The following OPCML variants were observed in gnomAD, a reference collection of about 807,000 sequenced individuals.
OPCML encodes the protein opioid binding protein/cell adhesion molecule like.
A neutral mutation model predicts 37.8 loss-of-function variants in OPCML; 13 were observed. That is an observed-to-expected ratio of 0.34 (90% CI 0.22 to 0.55). The LOEUF is 0.55. Ranked by LOEUF, OPCML falls within the 20% of genes least tolerant of loss-of-function variation. The probability of loss-of-function intolerance (pLI) is 0.91; values close to 1 mark genes in which losing one functional copy is unlikely to be tolerated. For missense variants in OPCML, 341 were observed against 435.6 expected, an observed-to-expected ratio of 0.78 and a Z score of 1.93; for synonymous variants, 176 against 168.8, an observed-to-expected ratio of 1.04 and a Z score of -0.33.
rs1591742497 is a variant in OPCML, at chr11:132,877,329, G to T, written c.146+65597C>A. On this transcript the variant is annotated intron_variant, in intron 2 of 7. Coordinates refer to ENST00000524381, the MANE Select transcript of OPCML (RefSeq NM_001012393.5). ...AAGATGCAATATTCACTTGAATAAG[G>T]GTAAAAGAAAAGGTGAGGTCTTCAG... Among the ~76,000 whole-genome samples, 3 of 152,196 alleles carry T rather than the reference G, an allele frequency of 2.0e-5. No homozygotes were observed. In the South Asian group the frequency reaches 6.2e-4, roughly 32 times the overall value.
chr11:133,281,674 G>C (rs965856467), intron 1 of OPCML, among the ~76,000 whole-genome samples: 1 of 151,846 alleles, frequency 6.6e-6, no homozygotes, highest in Middle Eastern at 3.2e-3. Context: ...AGAGTGTAGA[G>C]GGCTCAGAAG....
chr11:132,694,340 T>C (rs1024746937), intron 2 of OPCML, among the ~76,000 whole-genome samples: 2 of 151,878 alleles, frequency 1.3e-5, no homozygotes, highest in African/African-American at 4.8e-5. Context: ...CTGGGACTAC[T>C]GGTGCGTGCC....
In OPCML at chr11:132,419,031, T is replaced by G. The variant is rs1239433526; in HGVS notation, c.*1162A>C. 6.6e-6 allele frequency: 1 copy of G among 152,670 alleles called. No homozygotes were observed. The highest frequency in any genetic ancestry group is 1.5e-5 in the Non-Finnish European group (1 of 68,038). The allele number at this position is 152,670 out of a possible 1,614,324, so 9.5% of individuals were successfully genotyped here. On this transcript the variant is annotated 3_prime_UTR_variant, in exon 8 of 8. Transcript: ENST00000524381. ...CCTATCTGTTAGTGTCTCCCTTGGG[T>G]GGATAGGATACCAGATTTTAAAGAG... is the stretch of plus-strand genomic sequence containing the variant.
At chr11:132,655,797 A>T (rs1453225458) in intron 3 of OPCML, among the ~76,000 whole-genome samples, 1 of 151,940 alleles carries the variant, frequency 6.6e-6, no homozygotes, top group South Asian at 2.1e-4. Context: ...TGACTGAAGC[A>T]TGAATAGACA....
At chr11:133,121,018 G>A (rs1949412080) in intron 1 of OPCML, among the ~76,000 whole-genome samples, 1 of 152,134 alleles carries the variant, frequency 6.6e-6, no homozygotes, top group Non-Finnish European at 1.5e-5. Context: ...TGCTTCCTGG[G>A]TTCAAGCGAT....
At chr11:133,321,281 G>A (rs1363463614) in intron 1 of OPCML, among the ~76,000 whole-genome samples, 2 of 152,182 alleles carry the variant, frequency 1.3e-5, no homozygotes, top group Non-Finnish European at 2.9e-5. Context: ...AGCTCCTGCT[G>A]CCATCAGAAG....
chr11:133,093,489 C>T (rs569366118), intron 1 of OPCML, among the ~76,000 whole-genome samples: 16 of 152,306 alleles, frequency 1.1e-4, no homozygotes, highest in African/African-American at 3.8e-4. Flanking sequence ...TATCAAGCAA[C>T]TGTTATGTGC....
At chr11:132,577,552 A>G (rs2096453665) in intron 3 of OPCML, among the ~76,000 whole-genome samples, 1 of 152,156 alleles carries the variant, frequency 6.6e-6, no homozygotes, top group Non-Finnish European at 1.5e-5. Flanking sequence ...ATACAACCAC[A>G]GCAATGAATA....
At chr11:132,945,875 C>T (rs1179021348) in intron 1 of OPCML, among the ~76,000 whole-genome samples, 3 of 152,156 alleles carry the variant, frequency 2.0e-5, no homozygotes, top group African/African-American at 2.4e-5. Context: ...CTCCACCTCC[C>T]GGGTTCACGC....
intron 2 of OPCML, among the ~76,000 whole-genome samples, chr11:132,786,180 G>A (rs1368876571): frequency 6.6e-6 from 1 of 152,140 alleles, no homozygotes; most frequent in Non-Finnish European, 1.5e-5. Context: ...CTTTCACTAT[G>A]TGGTTATCAT....
chr11:132,993,627 C>A (rs1173272635), intron 1 of OPCML, among the ~76,000 whole-genome samples: 1 of 152,168 alleles, frequency 6.6e-6, no homozygotes, highest in African/African-American at 2.4e-5. Context: ...ACACTGCACA[C>A]AGAGCCCCTG....
chr11:132,489,482 A>G (rs1438910974), intron 4 of OPCML, among the ~76,000 whole-genome samples: 2 of 152,206 alleles, frequency 1.3e-5, no homozygotes, highest in Non-Finnish European at 2.9e-5. Context: ...TGCTGTATGT[A>G]ATTATACATG....
At chr11:133,478,109 G>A (rs1352674898) in intron 1 of OPCML, among the ~76,000 whole-genome samples, 1 of 152,128 alleles carries the variant, frequency 6.6e-6, no homozygotes, top group African/African-American at 2.4e-5. Context: ...ATTGGAAAAG[G>A]GGCAAATCTG....
chr11:132,847,235 C>A (rs1225081987), intron 2 of OPCML, among the ~76,000 whole-genome samples: 1 of 152,128 alleles, frequency 6.6e-6, no homozygotes, highest in Admixed American at 6.6e-5. Context: ...ACCTTCGAAG[C>A]CATAAATCTC....
intron 3 of OPCML, among the ~76,000 whole-genome samples, chr11:132,565,091 A>G (rs1355373814): frequency 6.6e-6 from 1 of 152,192 alleles, no homozygotes; most frequent in Non-Finnish European, 1.5e-5. Flanking sequence ...CGGTATCTCT[A>G]CAATCTGTCA....
chr11:132,467,696 G>C (rs954776840), intron 4 of OPCML, among the ~76,000 whole-genome samples: 4 of 152,170 alleles, frequency 2.6e-5, no homozygotes, highest in African/African-American at 9.7e-5. Context: ...CTCTCCCCAA[G>C]GCAGCACTGT....
chr11:132,701,288 T>C (rs898284190), intron 2 of OPCML, among the ~76,000 whole-genome samples: 3 of 152,112 alleles, frequency 2.0e-5, no homozygotes, highest in Admixed American at 6.6e-5. Context: ...ATGGGGGAAA[T>C]TGACCCCATG....
intron 1 of OPCML, among the ~76,000 whole-genome samples, chr11:133,454,079 C>T (rs1475365791): frequency 6.6e-6 from 1 of 152,052 alleles, no homozygotes; most frequent in Non-Finnish European, 1.5e-5. Flanking sequence ...TGATAGTCGG[C>T]GATTCTCCTT....
Position 133,421,274 on chromosome 11 carries a change from G to C in OPCML, c.61+110990C>G, listed in dbSNP as rs190342557. 238 of 985,394 alleles carry C rather than the reference G, an allele frequency of 2.4e-4. No homozygotes were observed. In the African/African-American group the frequency reaches 3.9e-3, roughly 16 times the overall value. The allele number at this position is 985,394 out of a possible 1,614,324, so 61.0% of individuals were successfully genotyped here. ...CAGCCCACATTGCCAAACGTGAGTG[G>C]AAAGGCATCATTTGTAGAATGTGGT... On this transcript the variant is annotated intron_variant, in intron 1 of 7. Transcript: ENST00000524381.
Sources: gnomAD v4.1 joint callset for allele counts (sites outside exome capture counted in the v4.1 genomes callset) on GRCh38, gnomAD v4.1.1 for gene constraint, MANE v1.5 for transcripts, NCBI Gene and HGNC (gene_info 2026-07-23, HGNC 2026-07-21) for gene names.